Variants in CAMTA1 observed in about 807,000 individuals in gnomAD.
The protein encoded by CAMTA1 is calmodulin-binding transcription activator 1.
In CAMTA1, 27 loss-of-function variants were observed where a neutral mutation model predicts 170.9. The ratio of observed to expected loss-of-function variants is 0.16; its 90% CI spans 0.12 to 0.22. The LOEUF is 0.22. Among genes scored for constraint, CAMTA1 ranks in the 10% least tolerant of loss-of-function variants. The pLI, the probability that CAMTA1 is intolerant of heterozygous loss-of-function variation, is 1.00. For missense variants in CAMTA1, 1,619 were observed against 2,217.2 expected (o/e 0.73, Z 5.42); for synonymous variants, 833 against 891.5 (o/e 0.93, Z 1.17).
intron 3 of CAMTA1, among the ~76,000 whole-genome samples, chr1:6,959,522 G>A (rs1690023772): frequency 2.0e-5 from 3 of 152,176 alleles, no homozygotes; most frequent in Admixed American, 6.5e-5. Flanking sequence ...TGGTGGGGCC[G>A]CAAGTGCCAG....
At chr1:7,401,184 A>G (rs773685556) in intron 5 of CAMTA1, among the ~76,000 whole-genome samples, 3 of 152,220 alleles carry the variant, frequency 2.0e-5, no homozygotes, top group Non-Finnish European at 4.4e-5. Context: ...ACATTTGTAT[A>G]CGGTGCAAGG....
At chr1:7,474,548 C>T (rs968941243) in intron 6 of CAMTA1, among the ~76,000 whole-genome samples, 4 of 152,232 alleles carry the variant, frequency 2.6e-5, no homozygotes, top group South Asian at 2.1e-4. Flanking sequence ...TCCTGAATCC[C>T]GGAGAAAGCG....
At chr1:7,660,100 GT>G (rs1398478644) in intron 7 of CAMTA1, among the ~76,000 whole-genome samples, 2 of 152,228 alleles carry the variant, frequency 1.3e-5, no homozygotes, top group African/African-American at 4.8e-5. Context: ...TTGAGACAGA[GT>G]TTTGCTCTCA....
At chr1:7,493,208 C>G (rs556788880) in intron 6 of CAMTA1, among the ~76,000 whole-genome samples, 19 of 149,786 alleles carry the variant, frequency 1.3e-4, no homozygotes, top group South Asian at 6.3e-4. Context: ...CAAACACAAA[C>G]CTACATACAC....
chr1:7,353,654 C>T (rs930466470), intron 5 of CAMTA1, among the ~76,000 whole-genome samples: 1 of 152,128 alleles, frequency 6.6e-6, no homozygotes, highest in Non-Finnish European at 1.5e-5. Flanking sequence ...GAACTCCTGA[C>T]CTCAGGTGAT....
At chr1:7,511,070 C>T (rs1002375720) in intron 6 of CAMTA1, among the ~76,000 whole-genome samples, 2 of 145,764 alleles carry the variant, frequency 1.4e-5, no homozygotes, top group Non-Finnish European at 1.5e-5. Context: ...ATTCTTTCCA[C>T]AGCCAGAAAC....
rs77450651 is a variant in CAMTA1, at chr1:7,142,483, A to T, written c.302+51112A>T. Among the ~76,000 whole-genome samples, 453 of 152,206 alleles carry T rather than the reference A, an allele frequency of 3.0e-3. 18 individuals are homozygous for T. The East Asian group carries it at 0.078, about 26-fold the overall frequency. ...GTGCTGCTCTAGTTTGGATGTTTGTACTCCTAAACCTGTTACAATGGGATC... is the reference window on the plus strand; with the variant it reads ...GTGCTGCTCTAGTTTGGATGTTTGTTCTCCTAAACCTGTTACAATGGGATC... On this transcript the variant is annotated intron_variant, in intron 4 of 22. Coordinates refer to ENST00000303635, the MANE Select transcript of CAMTA1 (RefSeq NM_015215.4).
chr1:7,369,599 G>T (rs1479964275), intron 5 of CAMTA1, among the ~76,000 whole-genome samples: 1 of 152,048 alleles, frequency 6.6e-6, no homozygotes, highest in African/African-American at 2.4e-5. Context: ...TGGGTAAGTT[G>T]TGGGACCACT....
chr1:7,374,990 C>T (rs1476215995), intron 5 of CAMTA1, among the ~76,000 whole-genome samples: 1 of 152,156 alleles, frequency 6.6e-6, no homozygotes, highest in Non-Finnish European at 1.5e-5. Flanking sequence ...GGGGCTGGGT[C>T]CTGTTAAAGT....
rs527916872 is a variant in CAMTA1, at chr1:7,569,648, CCAT to C, written c.511-70745_511-70743del. Among the ~76,000 whole-genome samples the C allele has an allele frequency of 2.8e-3, 430 of 151,080 alleles. 2 individuals carry two copies. Among genetic ancestry groups the C allele is most frequent in the African/African-American group, 0.01 (410 of 40,546 alleles). ...ATCATCATCATCATGATCACTATCA[CCAT>C]CATCATATTATTACTATTACCATCA... On this transcript the variant is annotated intron_variant, in intron 6 of 22. Transcript: ENST00000303635.
At chr1:7,099,346 C>T (rs553435411) in intron 4 of CAMTA1, among the ~76,000 whole-genome samples, 37 of 152,284 alleles carry the variant, frequency 2.4e-4, no homozygotes, top group African/African-American at 7.9e-4. Flanking sequence ...TCAGTGCGTC[C>T]GGCCCTCCCT....
chr1:6,896,786 T>G (rs1353606427), intron 3 of CAMTA1, among the ~76,000 whole-genome samples: 1 of 152,164 alleles, frequency 6.6e-6, no homozygotes, highest in Non-Finnish European at 1.5e-5. Flanking sequence ...CCAAGCTGTT[T>G]GTTGAAGTAT....
intron 3 of CAMTA1, among the ~76,000 whole-genome samples, chr1:6,832,215 C>T (rs1464250548): frequency 6.6e-6 from 1 of 151,868 alleles, no homozygotes; most frequent in Admixed American, 6.6e-5. Context: ...TCTGAAGTAG[C>T]TGGGATTATA....
chr1:6,895,652 C>A (rs949618517), intron 3 of CAMTA1, among the ~76,000 whole-genome samples: 4 of 152,220 alleles, frequency 2.6e-5, no homozygotes, highest in African/African-American at 9.6e-5. Context: ...TACGGGGAAT[C>A]CATCAAACAT....
chr1:7,143,623 A>T (rs1338984581), intron 4 of CAMTA1, among the ~76,000 whole-genome samples: 1 of 152,186 alleles, frequency 6.6e-6, no homozygotes, highest in Non-Finnish European at 1.5e-5. Flanking sequence ...AGGATTCAGG[A>T]TGCCCTGGGT....
chr1:6,811,668 C>T (rs1001418215), intron 1 of CAMTA1, among the ~76,000 whole-genome samples: 6 of 152,166 alleles, frequency 3.9e-5, no homozygotes, highest in Admixed American at 6.5e-5. Context: ...GAATGTGGGT[C>T]GGAGAAACTC....
In CAMTA1 at chr1:7,635,565, C is replaced by T. The variant is rs370354816; in HGVS notation, c.511-4835C>T. ...CGGAGGTTGCAGTGAGCCGAGATCG[C>T]GCCACTGCACTCCAGCCTGGGGGAC... On this transcript the variant is annotated intron_variant, in intron 6 of 22. Transcript: ENST00000303635. This position sits in a 1 kb window ranked among gnomAD's most constrained non-coding sequence, Gnocchi z 4.4. Among the ~76,000 whole-genome samples the T allele has an allele frequency of 1.9e-4, 29 of 150,640 alleles. No homozygotes were observed. The highest frequency in any genetic ancestry group is 5.9e-4 in the African/African-American group (24 of 40,850).
At chr1:7,544,688 C>T (rs541957433) in intron 6 of CAMTA1, among the ~76,000 whole-genome samples, 4 of 152,170 alleles carry the variant, frequency 2.6e-5, no homozygotes, top group Non-Finnish European at 5.9e-5. Context: ...GTTTACTTGG[C>T]ACAGGATTCT....
Position 7,456,806 on chromosome 1 carries a change from G to A in CAMTA1, c.439-11024G>A, listed in dbSNP as rs1557746132. ...CACAGCAGGGGCCCATGTGGGCCTG[G>A]CTGAACGTCCTCAGAGGGTGGGAAA... On this transcript the variant is annotated intron_variant, in intron 5 of 22. Coordinates refer to ENST00000303635, the MANE Select transcript of CAMTA1 (RefSeq NM_015215.4). The surrounding 1 kb of genome is among the most constrained non-coding windows in gnomAD (Gnocchi z 4.9). Among the ~76,000 whole-genome samples the A allele has an allele frequency of 6.6e-6, 1 of 152,242 alleles. No homozygotes were observed. The highest frequency in any genetic ancestry group is 2.4e-5 in the African/African-American group (1 of 41,460).
Sources: allele counts gnomAD v4.1 joint callset (sites outside exome capture counted in the v4.1 genomes callset), GRCh38; gene constraint gnomAD v4.1.1; non-coding constraint Gnocchi (gnomAD v3.1); transcripts MANE v1.5; gene names NCBI Gene and HGNC (gene_info 2026-07-23, HGNC 2026-07-21).